OGDH: variants seen among roughly 807,000 people sequenced by gnomAD.
OGDH encodes the protein 2-oxoglutarate dehydrogenase complex component E1.
In OGDH, 38 loss-of-function variants were observed where a neutral mutation model predicts 116.6. The observed-to-expected ratio is 0.33, with a 90% CI of 0.25 to 0.43. OGDH has a LOEUF of 0.43. OGDH is among the 20% of genes least tolerant of loss of function. The pLI, the probability that OGDH is intolerant of heterozygous loss-of-function variation, is 1.00. For missense variants in OGDH, 825 were observed against 1,357.2 expected (o/e 0.61, Z 6.16); for synonymous variants, 488 against 533.3 (o/e 0.92, Z 1.17).
chr7:44,611,116 C>T (rs1784547503), intron 1 of OGDH, among the ~76,000 whole-genome samples: 1 of 150,602 alleles, frequency 6.6e-6, no homozygotes, highest in Non-Finnish European at 1.5e-5. Context: ...ACTCTGTCAC[C>T]CCAGGCTGGA....
chr7:44,607,099 C>T (rs752615536), intron 1 of OGDH, among the ~76,000 whole-genome samples: 1 of 152,220 alleles, frequency 6.6e-6, no homozygotes, highest in Non-Finnish European at 1.5e-5. Context: ...TCCTTCCCGC[C>T]TGTGAGGACC....
In OGDH at chr7:44,675,272, A is replaced by G. The variant is rs1787642595; in HGVS notation, c.1026+4A>G. On this transcript the variant is annotated splice_donor_region_variant and intron_variant, in intron 8 of 22. Transcript: ENST00000222673. ...AAAGCTGGAGGCAGCTGATGAGGTG[A>G]GGCACCTGCATAGAGACACATCCAG... 1 of 1,612,242 alleles carries G rather than the reference A, an allele frequency of 6.2e-7. No individual in the cohort carries two copies.
At chr7:44,659,659 C>T (rs1786849401) in intron 4 of OGDH, among the ~76,000 whole-genome samples, 1 of 152,106 alleles carries the variant, frequency 6.6e-6, no homozygotes. Context: ...TCTAAGTTGT[C>T]AAATGTGTGT....
At chr7:44,676,419 G>T in intron 9 of OGDH, 1 of 599,900 alleles carries the variant, frequency 1.7e-6, no homozygotes, top group South Asian at 2.1e-5. Flanking sequence ...GCTGGGCGTG[G>T]TGGCGCGCGC....
intron 12 of OGDH, among the ~76,000 whole-genome samples, chr7:44,695,087 T>C (rs997365615): frequency 2.0e-5 from 3 of 148,150 alleles, no homozygotes; most frequent in African/African-American, 7.5e-5. Flanking sequence ...TGTGAACCAG[T>C]TTTTTTTTTG....
chr7:44,667,022 C>T (rs1379271422), intron 5 of OGDH, among the ~76,000 whole-genome samples, 171 bp downstream of exon 5: 2 of 152,138 alleles, frequency 1.3e-5, no homozygotes, highest in African/African-American at 4.8e-5. Flanking sequence ...GTTTGGCTCA[C>T]TGCAGCCTTG....
At chr7:44,679,938 C>T (rs1405096191) in intron 9 of OGDH, among the ~76,000 whole-genome samples, 5 of 152,134 alleles carry the variant, frequency 3.3e-5, no homozygotes, top group Admixed American at 2.0e-4. Flanking sequence ...CGGCCAGGCA[C>T]GATGACTCAT....
chr7:44,645,180 G>A (rs1786114027), intron 2 of OGDH, 147 bp from the exon 3 acceptor site: 2 of 695,054 alleles, frequency 2.9e-6, no homozygotes, highest in Non-Finnish European at 4.8e-6. Context: ...TTTGGGAACA[G>A]ACAGAGACCC....
chr7:44,608,108 C>A (rs966070034), intron 1 of OGDH, among the ~76,000 whole-genome samples: 1 of 152,142 alleles, frequency 6.6e-6, no homozygotes, highest in Non-Finnish European at 1.5e-5. Flanking sequence ...ACCCATTTGA[C>A]GTGCACAATT....
At chr7:44,702,194 C>A (rs1788863727) in intron 20 of OGDH, among the ~76,000 whole-genome samples, 1 of 152,222 alleles carries the variant, frequency 6.6e-6, no homozygotes, top group African/African-American at 2.4e-5. Flanking sequence ...GCAAATGCCC[C>A]CAAGGACTCC....
intron 2 of OGDH, among the ~76,000 whole-genome samples, chr7:44,633,252 CAAAAAAA>C (rs1163808681): frequency 2.4e-5 from 2 of 81,686 alleles, no homozygotes; most frequent in South Asian, 4.1e-4. Flanking sequence ...GACTCTGTGT[CAAAAAAA>C]AAAAAAAAAA....
intron 10 of OGDH, among the ~76,000 whole-genome samples, chr7:44,685,984 A>C (rs903442722): frequency 2.0e-5 from 3 of 151,674 alleles, no homozygotes; most frequent in African/African-American, 7.3e-5. Context: ...TTGCTACATC[A>C]TATGATAGTT....
chr7:44,701,050 G>A (rs1420010851), intron 19 of OGDH, among the ~76,000 whole-genome samples: 2 of 152,174 alleles, frequency 1.3e-5, no homozygotes, highest in Admixed American at 1.3e-4. Flanking sequence ...GAAGGAGTGT[G>A]GGGGACAGCG....
chr7:44,637,027 C>T (rs1364089280), intron 2 of OGDH, among the ~76,000 whole-genome samples: 1 of 152,090 alleles, frequency 6.6e-6, no homozygotes, highest in Non-Finnish European at 1.5e-5. Flanking sequence ...GTGCTTGTTC[C>T]TCTTGGGGGT....
intron 4 of OGDH, among the ~76,000 whole-genome samples, chr7:44,648,027 C>T (rs562104216): frequency 6.6e-6 from 1 of 152,148 alleles, no homozygotes; most frequent in Non-Finnish European, 1.5e-5. Context: ...GCTTGTCCAC[C>T]TGGGGCAGGT....
chr7:44,671,338 C>G lies in OGDH; in HGVS notation c.634-2449C>G, dbSNP rs565156949. 9.9e-5 allele frequency among the ~76,000 whole-genome samples: 15 copies of G among 152,248 alleles called. No homozygotes were observed. The South Asian group carries it at 3.1e-3, about 32-fold the overall frequency. On this transcript the variant is annotated intron_variant, in intron 5 of 22. Coordinates refer to ENST00000222673, the MANE Select transcript of OGDH (RefSeq NM_002541.4). ...TAATAGAGCAAGAACCCACTCACCT[C>G]TGAGCAAGGGCATTAATCTATTCAT... is the stretch of plus-strand genomic sequence containing the variant.
chr7:44,624,735 A>G (rs911988142), intron 2 of OGDH, among the ~76,000 whole-genome samples, 170 bp downstream of exon 2: 1 of 152,134 alleles, frequency 6.6e-6, no homozygotes, highest in Non-Finnish European at 1.5e-5. Flanking sequence ...AGCAGAAGCC[A>G]TGGTCCCTGG....
Position 44,672,347 on chromosome 7 carries a change from C to T in OGDH, c.634-1440C>T, listed in dbSNP as rs550425602. 6.2e-4 allele frequency among the ~76,000 whole-genome samples: 94 copies of T among 152,282 alleles called. No individual in the cohort carries two copies. The South Asian group carries it at 6.4e-3, about 10-fold the overall frequency. On this transcript the variant is annotated intron_variant, in intron 5 of 22. Coordinates refer to ENST00000222673, the MANE Select transcript of OGDH (RefSeq NM_002541.4). ...TTTAACTGCTCATGCCAGCTGGTCT[C>T]ATTGTCTGTTGTGAAAACCAAGTGG...
chr7:44,607,307 C>T (rs892682650), intron 1 of OGDH, among the ~76,000 whole-genome samples: 2 of 152,206 alleles, frequency 1.3e-5, no homozygotes, highest in African/African-American at 2.4e-5. Context: ...TTTCAAGCAC[C>T]ATTTTCCCTC....
Sources: allele counts gnomAD v4.1 joint callset (sites outside exome capture counted in the v4.1 genomes callset), GRCh38; gene constraint gnomAD v4.1.1; transcripts MANE v1.5; gene names NCBI Gene and HGNC (gene_info 2026-07-23, HGNC 2026-07-21).